Variants in NAALADL2 observed in about 807,000 individuals in gnomAD.
NAALADL2 encodes the protein N-acetylated alpha-linked acidic dipeptidase like 2.
Under a neutral mutation model 87.2 loss-of-function variants are expected in NAALADL2, and 76 were observed. That is an observed-to-expected ratio of 0.87 (90% CI 0.72 to 1.05). The LOEUF (loss-of-function observed/expected upper bound fraction) is 1.05, where lower values mean the gene tolerates loss of function less well. Ranked by LOEUF, NAALADL2 falls within the 50% of genes least tolerant of loss-of-function variation. The probability of loss-of-function intolerance (pLI) is 0.00; values close to 1 mark genes in which losing one functional copy is unlikely to be tolerated. For synonymous variants in NAALADL2, 354 were observed against 331.0 expected (o/e 1.07, Z -0.75); for missense variants, 1,089 against 945.8 (o/e 1.15, Z -1.99).
At chr3:175,661,176 A>G (rs1206936741) in intron 11 of NAALADL2, among the ~76,000 whole-genome samples, 2 of 151,958 alleles carry the variant, frequency 1.3e-5, no homozygotes, top group Admixed American at 6.6e-5. Flanking sequence ...TGTCTTTTTG[A>G]TAATAGCTAT....
intron 11 of NAALADL2, chr3:175,718,172 G>GAGGGGA (rs1450863130): frequency 2.4e-6 from 3 of 1,224,874 alleles, no homozygotes; most frequent in Middle Eastern, 5.8e-4. Flanking sequence ...AAATCGAATG[G>GAGGGGA]AGGGGAAGGG....
At chr3:174,793,281 T>G (rs1717683743) in intron 3 of NAALADL2, among the ~76,000 whole-genome samples, 1 of 152,166 alleles carries the variant, frequency 6.6e-6, no homozygotes, top group Non-Finnish European at 1.5e-5. Context: ...ATATAAAAAC[T>G]GAATTGAAAT....
chr3:175,029,419 G>T (rs915436789), intron 1 of NAALADL2, among the ~76,000 whole-genome samples: 12 of 151,946 alleles, frequency 7.9e-5, no homozygotes, highest in African/African-American at 2.4e-4. Flanking sequence ...ACCAGGCAAG[G>T]TTTACTAAAA....
At chr3:174,944,166 C>T (rs1283068483) in intron 1 of NAALADL2, among the ~76,000 whole-genome samples, 2 of 152,162 alleles carry the variant, frequency 1.3e-5, no homozygotes, top group Non-Finnish European at 2.9e-5. Context: ...CTGCTCCTCC[C>T]TCTAGGAGCT....
intron 12 of NAALADL2, among the ~76,000 whole-genome samples, chr3:175,738,218 G>C (rs73171452): frequency 6.6e-6 from 1 of 151,904 alleles, no homozygotes; most frequent in Admixed American, 6.6e-5. Context: ...TAAAAAGCCA[G>C]ATATCTCCAA....
intron 1 of NAALADL2, among the ~76,000 whole-genome samples, chr3:174,519,488 C>T (rs548465999): frequency 1.1e-3 from 168 of 152,054 alleles, no homozygotes; most frequent in African/African-American, 4.0e-3. Context: ...TGCGACACCA[C>T]ACCCAGCTAA....
chr3:174,692,143 C>G (rs565838617), intron 2 of NAALADL2: 1 of 152,354 alleles, frequency 6.6e-6, no homozygotes, highest in African/African-American at 2.4e-5. Context: ...CCTCACCCAG[C>G]TCAATCAGAG....
At chr3:174,494,952 C>T (rs1426813303) in intron 1 of NAALADL2, among the ~76,000 whole-genome samples, 2 of 152,034 alleles carry the variant, frequency 1.3e-5, no homozygotes, top group Non-Finnish European at 2.9e-5. Flanking sequence ...TTGCTTTGTG[C>T]AAATTTATAT....
chr3:175,444,467 TC>T (rs1375499493), intron 5 of NAALADL2, among the ~76,000 whole-genome samples: 21 of 152,042 alleles, frequency 1.4e-4, no homozygotes, highest in Admixed American at 6.6e-5. Flanking sequence ...GGTCTGAAAA[TC>T]CCCTTTGGTT....
intron 2 of NAALADL2, among the ~76,000 whole-genome samples, chr3:174,575,703 A>T (rs1397110750): frequency 6.6e-6 from 1 of 152,194 alleles, no homozygotes; most frequent in Non-Finnish European, 1.5e-5. Flanking sequence ...AAAATTCTAT[A>T]GTAAGTTTAT....
At chr3:174,692,202 C>T (rs931509243) in intron 2 of NAALADL2, 1 of 152,120 alleles carries the variant, frequency 6.6e-6, no homozygotes, top group African/African-American at 2.4e-5. Flanking sequence ...ATTTCTTAAA[C>T]AATAAGACTT....
At chr3:174,642,659 C>T (rs9824107) in intron 2 of NAALADL2, among the ~76,000 whole-genome samples, 2 of 150,442 alleles carry the variant, frequency 1.3e-5, no homozygotes, top group Non-Finnish European at 3.0e-5. Context: ...TTGTCAGAGA[C>T]CTCTTGCAGT....
chr3:174,967,613 A>C (rs1409201525), intron 1 of NAALADL2, among the ~76,000 whole-genome samples: 2 of 152,186 alleles, frequency 1.3e-5, no homozygotes, highest in African/African-American at 4.8e-5. Flanking sequence ...CTGAGATCAC[A>C]GACTCTAAAG....
intron 2 of NAALADL2, among the ~76,000 whole-genome samples, chr3:174,605,325 G>C (rs1206320906): frequency 6.6e-6 from 1 of 152,150 alleles, no homozygotes; most frequent in Non-Finnish European, 1.5e-5. Context: ...GCAGGACAGT[G>C]GGTGCAGCGC....
At chr3:174,979,233 A>G (rs1744773520) in intron 1 of NAALADL2, among the ~76,000 whole-genome samples, 1 of 146,648 alleles carries the variant, frequency 6.8e-6, no homozygotes, top group Admixed American at 6.9e-5. Flanking sequence ...AAATCTGTAT[A>G]TTCTTCAACT....
At chr3:175,655,996 T>C (rs566951034) in intron 11 of NAALADL2, among the ~76,000 whole-genome samples, 1 of 152,344 alleles carries the variant, frequency 6.6e-6, no homozygotes, top group South Asian at 2.1e-4. Context: ...GAATTTTCCA[T>C]ATAAGGTGGC....
intron 2 of NAALADL2, among the ~76,000 whole-genome samples, chr3:175,160,652 T>C (rs1246749123): frequency 6.6e-6 from 1 of 152,054 alleles, no homozygotes; most frequent in Non-Finnish European, 1.5e-5. Flanking sequence ...GTGCCTAGCA[T>C]GTCTTTTCTT....
chr3:174,659,318 CTTG>C (rs1725285262), intron 2 of NAALADL2, among the ~76,000 whole-genome samples: 1 of 152,086 alleles, frequency 6.6e-6, no homozygotes, highest in East Asian at 1.9e-4. Flanking sequence ...AGAAAAATAA[CTTG>C]TTTTCTGAAT....
intron 6 of NAALADL2, among the ~76,000 whole-genome samples, chr3:175,448,179 A>T (rs1300695782): frequency 1.3e-5 from 2 of 152,240 alleles, no homozygotes; most frequent in African/African-American, 2.4e-5. Context: ...TTTCTCTGTT[A>T]GGGACATATG....
Sources: allele counts gnomAD v4.1 joint callset (sites outside exome capture counted in the v4.1 genomes callset), GRCh38; gene constraint gnomAD v4.1.1; transcripts MANE v1.5; gene names NCBI Gene and HGNC (gene_info 2026-07-23, HGNC 2026-07-21).